SNTG1: variants seen among roughly 807,000 people sequenced by gnomAD.
SNTG1 encodes the protein gamma-1-syntrophin.
A neutral mutation model predicts 74.7 loss-of-function variants in SNTG1; 39 were observed. The ratio of observed to expected loss-of-function variants is 0.52; its 90% CI spans 0.40 to 0.68. SNTG1 has a LOEUF of 0.68. Among genes scored for constraint, SNTG1 ranks in the 30% least tolerant of loss-of-function variants. The pLI, the probability that SNTG1 is intolerant of heterozygous loss-of-function variation, is 0.00. For synonymous variants in SNTG1, 254 were observed against 217.1 expected (o/e 1.17, Z -1.49); for missense variants, 685 against 609.5 (o/e 1.12, Z -1.30).
chr8:50,763,059 T>A (rs1458702744), intron 18 of SNTG1, among the ~76,000 whole-genome samples: 1 of 152,056 alleles, frequency 6.6e-6, no homozygotes, highest in East Asian at 2.0e-4. Context: ...AAGTCATCAA[T>A]GATACTTCAG....
chr8:50,026,157 G>A (rs924696151), intron 1 of SNTG1, among the ~76,000 whole-genome samples: 4 of 152,148 alleles, frequency 2.6e-5, no homozygotes, highest in African/African-American at 9.7e-5. Flanking sequence ...TTCTGTTTAT[G>A]TATAAAAGCT....
intron 15 of SNTG1, among the ~76,000 whole-genome samples, chr8:50,666,087 A>G (rs1043349564): frequency 6.6e-6 from 1 of 152,182 alleles, no homozygotes; most frequent in African/African-American, 2.4e-5. Flanking sequence ...GTACAAATGA[A>G]ATCTAACTAG....
chr8:50,515,142 A>G (rs60675672), intron 9 of SNTG1, among the ~76,000 whole-genome samples: 6,385 of 152,274 alleles, frequency 0.042, 142 homozygotes, highest in Middle Eastern at 0.12. Flanking sequence ...GACAGCATAC[A>G]TAAGCATATC....
At chr8:50,312,388 C>G (rs1217051460) in intron 2 of SNTG1, among the ~76,000 whole-genome samples, 2 of 152,040 alleles carry the variant, frequency 1.3e-5, no homozygotes. Flanking sequence ...CTCCAATAAT[C>G]TTGATATGAA....
chr8:50,095,081 A>C (rs962197622), intron 1 of SNTG1, among the ~76,000 whole-genome samples: 5 of 152,190 alleles, frequency 3.3e-5, no homozygotes, highest in Non-Finnish European at 1.5e-5. Context: ...GCATATTCTC[A>C]CTTACAAATG....
At chr8:49,935,097 T>C (rs1198127462) in intron 1 of SNTG1, among the ~76,000 whole-genome samples, 1 of 151,876 alleles carries the variant, frequency 6.6e-6, no homozygotes, top group African/African-American at 2.4e-5. Context: ...TTAATAAAAC[T>C]GACCAAACAG....
At chr8:50,107,443 T>C (rs955247229) in intron 1 of SNTG1, among the ~76,000 whole-genome samples, 2 of 152,206 alleles carry the variant, frequency 1.3e-5, no homozygotes, top group African/African-American at 2.4e-5. Context: ...TCTTTAATTA[T>C]GTTATATTTA....
At chr8:50,571,102 C>T (rs570321916) in intron 12 of SNTG1, among the ~76,000 whole-genome samples, 1 of 152,300 alleles carries the variant, frequency 6.6e-6, no homozygotes, top group Admixed American at 6.5e-5. Context: ...TGAGCCCTGC[C>T]TGCCTGCCCC....
At chr8:50,344,074 C>T (rs1346185580) in intron 2 of SNTG1, among the ~76,000 whole-genome samples, 1 of 152,178 alleles carries the variant, frequency 6.6e-6, no homozygotes, top group Admixed American at 6.5e-5. Flanking sequence ...ACCAAGAACA[C>T]TGCACCTTCA....
rs185801650 is a variant in SNTG1, at chr8:50,557,691, G to T, written c.810+4512G>T. 6.6e-5 allele frequency among the ~76,000 whole-genome samples: 10 copies of T among 152,274 alleles called. No individual in the cohort carries two copies. In the East Asian group the frequency reaches 1.9e-3, roughly 29 times the overall value. ...CTCAGGTATTCCAGTCTGACCTCAA[G>T]ATCTTTAACTGAAGTAGATCTGCAA... is the stretch of plus-strand genomic sequence containing the variant. On this transcript the variant is annotated intron_variant, in intron 12 of 18. Coordinates refer to ENST00000642720, the MANE Select transcript of SNTG1 (RefSeq NM_018967.5).
intron 12 of SNTG1, among the ~76,000 whole-genome samples, chr8:50,570,591 G>GTTATTATTATTATTATTATTA (rs61229968): frequency 1.5e-5 from 2 of 130,162 alleles, no homozygotes; most frequent in African/African-American, 5.9e-5. Flanking sequence ...TATTATTGTT[G>GTTATTATTATTATTATTATTA]TTATTATTAT....
At chr8:50,276,076 T>A (rs985417547) in intron 2 of SNTG1, among the ~76,000 whole-genome samples, 1 of 152,170 alleles carries the variant, frequency 6.6e-6, no homozygotes, top group Non-Finnish European at 1.5e-5. Flanking sequence ...TTTATTTCAA[T>A]ATATAACAAT....
intron 15 of SNTG1, among the ~76,000 whole-genome samples, chr8:50,701,006 T>C (rs1257294804): frequency 6.6e-6 from 1 of 152,076 alleles, no homozygotes; most frequent in Non-Finnish European, 1.5e-5. Flanking sequence ...AGCAAAGGAG[T>C]AAAGTTTTGC....
chr8:50,687,716 C>A (rs1402588324), intron 15 of SNTG1, among the ~76,000 whole-genome samples: 1 of 152,106 alleles, frequency 6.6e-6, no homozygotes, highest in South Asian at 2.1e-4. Context: ...TGCTATCCCT[C>A]CCCCCTCGCC....
intron 17 of SNTG1, chr8:50,747,660 T>C (rs924283058): frequency 6.6e-6 from 1 of 152,018 alleles, no homozygotes; most frequent in African/African-American, 2.4e-5. Context: ...GTTTTAGTAT[T>C]AATCTGTTGA....
At position 50,353,999 on chromosome 8, in the gene SNTG1, C is replaced by T. The variant is rs139717705; in HGVS notation, c.-27-40213C>T. 1.2e-4 allele frequency among the ~76,000 whole-genome samples: 18 copies of T among 152,258 alleles called. No homozygotes were observed. In the East Asian group the frequency reaches 3.3e-3, roughly 28 times the overall value. ...TCTCAGGTGAGGAAGAGACATGAGCCCTCAGCAGGGAGTTTCCCTATCTAG... is the reference window on the plus strand; with the variant it reads ...TCTCAGGTGAGGAAGAGACATGAGCTCTCAGCAGGGAGTTTCCCTATCTAG... On this transcript the variant is annotated intron_variant, in intron 2 of 18. Coordinates refer to ENST00000642720, the MANE Select transcript of SNTG1 (RefSeq NM_018967.5).
chr8:50,480,969 G>A (rs112903468), intron 8 of SNTG1, among the ~76,000 whole-genome samples: 10 of 152,244 alleles, frequency 6.6e-5, no homozygotes, highest in African/African-American at 2.4e-4. Flanking sequence ...TGTACACATA[G>A]TATCCTCTTG....
intron 5 of SNTG1, 131 bp downstream of exon 5, chr8:50,438,730 A>C: frequency 1.5e-6 from 1 of 663,158 alleles, no homozygotes; most frequent in Non-Finnish European, 2.6e-6. Flanking sequence ...TTGGACGGGG[A>C]TGTAAATTAG....
At chr8:50,052,194 T>A (rs1268547078) in intron 1 of SNTG1, among the ~76,000 whole-genome samples, 1 of 152,084 alleles carries the variant, frequency 6.6e-6, no homozygotes, top group Non-Finnish European at 1.5e-5. Flanking sequence ...TATAATATAA[T>A]CTGATTACTG....
Sources: gnomAD v4.1 joint callset for allele counts (sites outside exome capture counted in the v4.1 genomes callset) on GRCh38, gnomAD v4.1.1 for gene constraint, MANE v1.5 for transcripts, NCBI Gene and HGNC (gene_info 2026-07-23, HGNC 2026-07-21) for gene names.